Variants in MEOX2 observed in about 807,000 individuals in gnomAD.
MEOX2 encodes mesenchyme homeobox 2, also known as homeobox protein MOX-2.
In MEOX2, 11 loss-of-function variants were observed where a neutral mutation model predicts 27.0. The observed-to-expected ratio is 0.41, with a 90% confidence interval of 0.26 to 0.68. MEOX2 has a LOEUF of 0.68. MEOX2 is among the 30% of genes least tolerant of loss of function. MEOX2 has a pLI of 0.33. For synonymous variants in MEOX2, 189 were observed against 155.4 expected, an observed-to-expected ratio of 1.22 and a Z score of -1.61; for missense variants, 436 against 385.4, an observed-to-expected ratio of 1.13 and a Z score of -1.10.
chr7:15,625,082 G>T (rs1781279447), intron 2 of MEOX2, among the ~76,000 whole-genome samples: 1 of 152,134 alleles, frequency 6.6e-6, no homozygotes, highest in Non-Finnish European at 1.5e-5. Context: ...TGAGAGCACA[G>T]TACTGGATCC....
chr7:15,661,648 G>C (rs1049174891), intron 1 of MEOX2, among the ~76,000 whole-genome samples: 4 of 152,104 alleles, frequency 2.6e-5, no homozygotes, highest in Admixed American at 6.5e-5. Context: ...TTCCTTTTAT[G>C]GCAAGGCAAA....
chr7:15,613,228 G>A (rs1781060921), intron 2 of MEOX2, among the ~76,000 whole-genome samples: 1 of 151,748 alleles, frequency 6.6e-6, no homozygotes. Flanking sequence ...TTTAAAATAT[G>A]GTCACAATAA....
At chr7:15,666,774 AAAAAAATATATATAT>A (rs1232349873) in intron 1 of MEOX2, among the ~76,000 whole-genome samples, 1 of 45,666 alleles carries the variant, frequency 2.2e-5, no homozygotes, top group Non-Finnish European at 5.8e-5. Context: ...AAAAAAAAAA[AAAAAAATATATATAT>A]ATATATATAT....
chr7:15,671,361 C>G (rs949097248), intron 1 of MEOX2, among the ~76,000 whole-genome samples: 1 of 152,114 alleles, frequency 6.6e-6, no homozygotes, highest in African/African-American at 2.4e-5. Flanking sequence ...CATTGGTAAC[C>G]AAACTGATCA....
At chr7:15,660,999 C>T (rs537236986) in intron 1 of MEOX2, among the ~76,000 whole-genome samples, 38 of 101,874 alleles carry the variant, frequency 3.7e-4, no homozygotes, top group East Asian at 9.7e-4. Context: ...GGCAACAGAG[C>T]GAGACTCAGT....
At chr7:15,632,100 T>C (rs536823783) in intron 1 of MEOX2, among the ~76,000 whole-genome samples, 1 of 152,012 alleles carries the variant, frequency 6.6e-6, no homozygotes, top group South Asian at 2.1e-4. Context: ...ACCTTAGATG[T>C]AGACGTTTCC....
intron 2 of MEOX2, among the ~76,000 whole-genome samples, chr7:15,621,736 A>G (rs1225223956): frequency 6.6e-6 from 1 of 152,236 alleles, no homozygotes; most frequent in South Asian, 2.1e-4. Flanking sequence ...ATTGTCAATC[A>G]TGTACAATTT....
At chr7:15,621,630 T>A (rs73300560) in intron 2 of MEOX2, among the ~76,000 whole-genome samples, 7,674 of 152,250 alleles carry the variant, frequency 0.05, 256 homozygotes, top group African/African-American at 0.1. Flanking sequence ...GACACATATA[T>A]GAGTCATCAT....
chr7:15,621,642 A>C (rs1198320221), intron 2 of MEOX2, among the ~76,000 whole-genome samples: 1 of 152,204 alleles, frequency 6.6e-6, no homozygotes, highest in Admixed American at 6.5e-5. Flanking sequence ...AGTCATCATA[A>C]AATTTGTGTT....
chr7:15,633,120 T>G (rs930658017), intron 1 of MEOX2, among the ~76,000 whole-genome samples: 3 of 151,972 alleles, frequency 2.0e-5, no homozygotes, highest in African/African-American at 7.2e-5. Context: ...TACGGATGCT[T>G]TCTCTCCTAT....
At chr7:15,679,556 T>A (rs1460899536) in intron 1 of MEOX2, 5 of 152,120 alleles carry the variant, frequency 3.3e-5, no homozygotes, top group African/African-American at 1.2e-4. Context: ...TTTAGAGCTA[T>A]AATCAGTACC....
chr7:15,648,274 G>T (rs1781680327), intron 1 of MEOX2, among the ~76,000 whole-genome samples: 2 of 152,162 alleles, frequency 1.3e-5, no homozygotes, highest in African/African-American at 4.8e-5. Context: ...AACTGAATGA[G>T]CATTATTTAA....
At chr7:15,681,829 G>A (rs1238716321) in intron 1 of MEOX2, 1 of 151,688 alleles carries the variant, frequency 6.6e-6, no homozygotes, top group East Asian at 1.9e-4. Flanking sequence ...GTGAAAGTTT[G>A]TGCAATACCA....
At chr7:15,644,330 G>T (rs1037519370) in intron 1 of MEOX2, among the ~76,000 whole-genome samples, 1 of 152,176 alleles carries the variant, frequency 6.6e-6, no homozygotes, top group Non-Finnish European at 1.5e-5. Context: ...CTGTAGCTAG[G>T]ATCTCAGAGT....
chr7:15,612,798 TAA>T (rs1244715443), intron 2 of MEOX2, among the ~76,000 whole-genome samples, 187 bp from the exon 3 acceptor site: 2 of 152,228 alleles, frequency 1.3e-5, no homozygotes, highest in Admixed American at 6.5e-5. Flanking sequence ...TAATAATTTT[TAA>T]AGTTTCAAAA....
intron 1 of MEOX2, among the ~76,000 whole-genome samples, chr7:15,683,456 T>C (rs1444518464): frequency 1.3e-5 from 2 of 152,056 alleles, no homozygotes; most frequent in Non-Finnish European, 2.9e-5. Context: ...AATATTGAAA[T>C]ACTAAAATGT....
chr7:15,665,041 T>TCACACACACACA (rs35772927), intron 1 of MEOX2, among the ~76,000 whole-genome samples: 59 of 141,310 alleles, frequency 4.2e-4, no homozygotes, highest in African/African-American at 1.5e-3. Context: ...TAAGTGGACA[T>TCACACACACACA]CACACACACA....
chr7:15,674,082 C>T (rs919415434), intron 1 of MEOX2, among the ~76,000 whole-genome samples: 20 of 152,010 alleles, frequency 1.3e-4, no homozygotes, highest in Admixed American at 1.0e-3. Flanking sequence ...TTTGGTTACA[C>T]ACAAAAGCCA....
intron 1 of MEOX2, among the ~76,000 whole-genome samples, chr7:15,666,167 A>G (rs989311717): frequency 4.6e-5 from 7 of 152,222 alleles, no homozygotes; most frequent in Non-Finnish European, 8.8e-5. Flanking sequence ...CTTGTTTCAT[A>G]ATTGTCATCT....
Sources: allele counts gnomAD v4.1 joint callset (sites outside exome capture counted in the v4.1 genomes callset), GRCh38; gene constraint gnomAD v4.1.1; transcripts MANE v1.5; gene names NCBI Gene and HGNC (gene_info 2026-07-23, HGNC 2026-07-21).